Variants in SLC7A14 observed in about 807,000 individuals in gnomAD.
The protein encoded by SLC7A14 is solute carrier family 7 member 14, also known as gamma-aminobutyric acid transporter SLC7A14.
SLC7A14 carries 37 observed loss-of-function variants against 60.2 expected under a neutral mutation model. That is an observed-to-expected ratio of 0.61 (90% CI 0.47 to 0.81). SLC7A14 has a LOEUF of 0.81. SLC7A14 is among the 30% of genes least tolerant of loss of function. The pLI, the probability that SLC7A14 is intolerant of heterozygous loss-of-function variation, is 0.00. For synonymous variants in SLC7A14, 399 were observed against 395.8 expected (o/e 1.01, Z -0.10); for missense variants, 886 against 982.7 (o/e 0.90, Z 1.32).
intron 4 of SLC7A14, among the ~76,000 whole-genome samples, chr3:170,492,642 C>T (rs1261315919): frequency 1.3e-5 from 2 of 152,196 alleles, no homozygotes; most frequent in Non-Finnish European, 2.9e-5. Flanking sequence ...GCAGCACGTG[C>T]CTCAGTTGCT....
intron 1 of SLC7A14, among the ~76,000 whole-genome samples, chr3:170,566,071 T>C (rs537851042): frequency 1.4e-4 from 22 of 152,244 alleles, no homozygotes; most frequent in African/African-American, 4.8e-4. Context: ...CCTTCTGTCT[T>C]ATAGAAGAGG....
At chr3:170,567,771 G>A (rs199551023) in intron 1 of SLC7A14, among the ~76,000 whole-genome samples, 21,034 of 150,150 alleles carry the variant, frequency 0.14, 1,485 homozygotes, top group East Asian at 0.19. Flanking sequence ...GATGGTGAGC[G>A]TTTTTTCATG....
chr3:170,574,638 T>A (rs982756224), intron 1 of SLC7A14, among the ~76,000 whole-genome samples: 3 of 152,116 alleles, frequency 2.0e-5, no homozygotes, highest in African/African-American at 7.2e-5. Context: ...CTTCTTAATG[T>A]GATAGATGGG....
chr3:170,577,351 G>C (rs1232174115), intron 1 of SLC7A14, among the ~76,000 whole-genome samples: 1 of 152,136 alleles, frequency 6.6e-6, no homozygotes, highest in East Asian at 1.9e-4. Flanking sequence ...GGGCGCGGTG[G>C]CTCACGCCTG....
chr3:170,567,129 G>T, intron 1 of SLC7A14, among the ~76,000 whole-genome samples: 1 of 148,298 alleles, frequency 6.7e-6, no homozygotes, highest in Non-Finnish European at 1.5e-5. Context: ...TTTAGCATTA[G>T]GTATATCTCC....
chr3:170,562,624 C>G (rs1439188488), intron 1 of SLC7A14, among the ~76,000 whole-genome samples: 4 of 151,754 alleles, frequency 2.6e-5, no homozygotes, highest in Admixed American at 2.0e-4. Context: ...ACCTGTTCCC[C>G]AAAAACCTAT....
intron 1 of SLC7A14, among the ~76,000 whole-genome samples, chr3:170,583,880 A>G (rs1182978319): frequency 6.6e-6 from 1 of 152,186 alleles, no homozygotes; most frequent in East Asian, 1.9e-4. Flanking sequence ...TAAAGAGAAA[A>G]GGGTTGGAAG....
chr3:170,568,917 C>G (rs1312514370), intron 1 of SLC7A14, among the ~76,000 whole-genome samples: 5 of 152,202 alleles, frequency 3.3e-5, no homozygotes, highest in African/African-American at 1.2e-4. Flanking sequence ...TGGGCTGAGA[C>G]AGTGGGATTT....
At chr3:170,479,414 C>A (rs1711738372) in intron 7 of SLC7A14, among the ~76,000 whole-genome samples, 1 of 152,190 alleles carries the variant, frequency 6.6e-6, no homozygotes, top group African/African-American at 2.4e-5. Context: ...CAATCCCCAG[C>A]CACCTCATGA....
At chr3:170,476,204 G>C (rs918090691) in intron 7 of SLC7A14, among the ~76,000 whole-genome samples, 1 of 152,162 alleles carries the variant, frequency 6.6e-6, no homozygotes, top group African/African-American at 2.4e-5. Context: ...TGGAAGCCTG[G>C]GCTTAGAATG....
chr3:170,551,837 T>C (rs980500012), intron 1 of SLC7A14, among the ~76,000 whole-genome samples: 1 of 152,222 alleles, frequency 6.6e-6, no homozygotes, highest in African/African-American at 2.4e-5. Flanking sequence ...GTGCTTTTCC[T>C]TTTCACTTTC....
intron 6 of SLC7A14, 94 bp from the exon 7 acceptor site, chr3:170,481,260 G>T: frequency 7.4e-7 from 1 of 1,346,264 alleles, no homozygotes; most frequent in Non-Finnish European, 1.0e-6. Flanking sequence ...CAATAGGCTG[G>T]TGTGATTAAC....
chr3:170,560,975 T>G (rs1714630527), intron 1 of SLC7A14, among the ~76,000 whole-genome samples: 1 of 152,194 alleles, frequency 6.6e-6, no homozygotes, highest in African/African-American at 2.4e-5. Context: ...CATGTGTACT[T>G]ATGGTAACAC....
At chr3:170,471,285 G>A (rs556150912) in intron 7 of SLC7A14, among the ~76,000 whole-genome samples, 15 of 152,172 alleles carry the variant, frequency 9.9e-5, no homozygotes, top group Non-Finnish European at 1.5e-4. Flanking sequence ...TACATCTCCC[G>A]CCTACCAGGG....
At chr3:170,478,102 G>C (rs959135053) in intron 7 of SLC7A14, among the ~76,000 whole-genome samples, 1 of 152,008 alleles carries the variant, frequency 6.6e-6, no homozygotes, top group African/African-American at 2.4e-5. Flanking sequence ...TTTTGAAATG[G>C]AGTCTTGCTC....
intron 1 of SLC7A14, among the ~76,000 whole-genome samples, chr3:170,534,170 TG>T (rs1354435513): frequency 1.3e-5 from 2 of 152,256 alleles, no homozygotes. Context: ...TTGCTGTGGC[TG>T]TACTCCAGAC....
chr3:170,541,118 TAACTAC>T (rs1714005008), intron 1 of SLC7A14, among the ~76,000 whole-genome samples: 1 of 152,194 alleles, frequency 6.6e-6, no homozygotes, highest in African/African-American at 2.4e-5. Flanking sequence ...TTTTGGAAAG[TAACTAC>T]ATCATGTGGA....
chr3:170,552,974 A>G (rs771226625), intron 1 of SLC7A14, among the ~76,000 whole-genome samples: 18 of 152,310 alleles, frequency 1.2e-4, no homozygotes, highest in Admixed American at 9.2e-4. Context: ...AGGTATACCT[A>G]CAGCTCTTTG....
At chr3:170,475,813 A>G (rs1430348432) in intron 7 of SLC7A14, among the ~76,000 whole-genome samples, 1 of 152,126 alleles carries the variant, frequency 6.6e-6, no homozygotes, top group African/African-American at 2.4e-5. Flanking sequence ...CCAGGGTTCA[A>G]GAGATTCTCC....
Sources: gnomAD v4.1 joint callset for allele counts (sites outside exome capture counted in the v4.1 genomes callset) on GRCh38, gnomAD v4.1.1 for gene constraint, MANE v1.5 for transcripts, NCBI Gene and HGNC (gene_info 2026-07-23, HGNC 2026-07-21) for gene names.